SCNN1B: variants seen among roughly 807,000 people sequenced by gnomAD.
SCNN1B encodes the protein sodium channel epithelial 1 subunit beta, also known as epithelial sodium channel subunit beta.
A neutral mutation model predicts 65.3 loss-of-function variants in SCNN1B; 46 were observed. The observed-to-expected ratio is 0.70, with a 90% CI of 0.56 to 0.90. The LOEUF is 0.90. SCNN1B is among the 40% of genes least tolerant of loss of function. The probability of loss-of-function intolerance (pLI) is 0.00; values close to 1 mark genes in which losing one functional copy is unlikely to be tolerated. For missense variants in SCNN1B, 751 were observed against 830.5 expected, an observed-to-expected ratio of 0.90 and a Z score of 1.18; for synonymous variants, 349 against 330.6, an observed-to-expected ratio of 1.06 and a Z score of -0.60.
At position 23,380,893 on chromosome 16, in the gene SCNN1B, T is replaced by C. The variant is rs1963038260; in HGVS notation, c.*92T>C. The C allele has an allele frequency of 3.5e-6, 5 of 1,423,816 alleles. No homozygotes were observed. The South Asian group carries it at 4.6e-5, about 13-fold the overall frequency. The allele number at this position is 1,423,816 out of a possible 1,614,324, so 88.2% of individuals were successfully genotyped here. ...ACTGTATGGTGCCCTCTCCAAAGGG[T>C]CGGGAGGGTAGCTCTCCAGGCCAGA... On this transcript the variant is annotated 3_prime_UTR_variant, in exon 13 of 13. Coordinates refer to ENST00000343070, the MANE Select transcript of SCNN1B (RefSeq NM_000336.3). The surrounding 1 kb of genome is among the most constrained non-coding windows in gnomAD (Gnocchi z 5.4).
At position 23,381,039 on chromosome 16, in the gene SCNN1B, CT is replaced by C; in HGVS notation, c.*239del. On this transcript the variant is annotated 3_prime_UTR_variant, in exon 13 of 13. Coordinates refer to ENST00000343070, the MANE Select transcript of SCNN1B (RefSeq NM_000336.3). The stretch of plus-strand genomic sequence containing the variant: ...ATTGTATCTTCACCTGGTTCCTACC[CT>C]CGTCCCTACCTGTCCTGATCCTGGT... The C allele has an allele frequency of 3.4e-6, 2 of 592,796 alleles. No homozygotes were observed. The highest frequency in any genetic ancestry group is 5.4e-5 in the Admixed American group (2 of 37,172). 36.7% of individuals were successfully genotyped at this position (592,796 alleles called of 1,614,324 possible).
intron 1 of SCNN1B, among the ~76,000 whole-genome samples, chr16:23,341,574 G>A (rs1418121880): frequency 6.6e-6 from 1 of 152,144 alleles, no homozygotes; most frequent in Non-Finnish European, 1.5e-5. Context: ...AGGGACTTGT[G>A]TATAGAATAT....
At chr16:23,374,814 GA>G (rs1158795616) in intron 7 of SCNN1B, among the ~76,000 whole-genome samples, 1 of 151,964 alleles carries the variant, frequency 6.6e-6, no homozygotes, top group Non-Finnish European at 1.5e-5. Flanking sequence ...CGAGTGGAGA[GA>G]GGTAGGGAGG....
At chr16:23,359,942 C>T (rs1335552496) in intron 4 of SCNN1B, among the ~76,000 whole-genome samples, 1 of 152,192 alleles carries the variant, frequency 6.6e-6, no homozygotes, top group African/African-American at 2.4e-5. Flanking sequence ...GTGGCTCACG[C>T]CTATAATCCC....
chr16:23,296,382 T>G lies in SCNN1B; in HGVS notation n.178+12578T>G, dbSNP rs114915907. Among the ~76,000 whole-genome samples, 1,443 of 152,296 alleles carry G rather than the reference T, an allele frequency of 9.5e-3. 24 individuals carry two copies. The highest frequency in any genetic ancestry group is 0.034 in the African/African-American group (1,400 of 41,568). On this transcript the variant is annotated intron_variant and non_coding_transcript_variant, in intron 2 of 3. Transcript: ENST00000569789. ...ATTTTCTGATTTTTAAACATTGGTT[T>G]GAAAATCTAAAATGTACCAGGTTAA... is the stretch of plus-strand genomic sequence containing the variant.
intron 1 of SCNN1B, among the ~76,000 whole-genome samples, chr16:23,319,389 A>G (rs114183480): frequency 6.6e-5 from 10 of 152,170 alleles, no homozygotes; most frequent in Admixed American, 1.3e-4. Context: ...CCAGCCTGGC[A>G]GTCTGCATAC....
intron 1 of SCNN1B, among the ~76,000 whole-genome samples, chr16:23,344,690 C>T (rs1962147122): frequency 6.6e-6 from 1 of 151,960 alleles, no homozygotes; most frequent in South Asian, 2.1e-4. Context: ...GAGTTTAATT[C>T]CTATCAGAGA....
intron 1 of SCNN1B, among the ~76,000 whole-genome samples, chr16:23,315,321 G>C (rs762343287): frequency 4.0e-5 from 6 of 151,736 alleles, no homozygotes; most frequent in Non-Finnish European, 8.8e-5. Context: ...TGAGCAACAA[G>C]AGCGAAAGTC....
rs146219038 is a variant in SCNN1B, at chr16:23,284,020, A to C, written n.178+216A>C. On this transcript the variant is annotated intron_variant and non_coding_transcript_variant, in intron 2 of 3. Transcript: ENST00000569789. The stretch of plus-strand genomic sequence containing the variant: ...GCTCCTCCCCTTGTCCCACCATCCA[A>C]TCTCCTGCCAGTGCCTCTTTTTGGC... 1.9e-4 allele frequency among the ~76,000 whole-genome samples: 29 copies of C among 152,280 alleles called. 1 individual carries two copies. The highest frequency in any genetic ancestry group is 2.6e-4 in the Non-Finnish European group (18 of 68,018).
chr16:23,361,405 G>A (rs949286091), intron 4 of SCNN1B, among the ~76,000 whole-genome samples: 6 of 152,166 alleles, frequency 3.9e-5, no homozygotes, highest in Admixed American at 6.6e-5. Context: ...TTCAGACTAC[G>A]CTCAGGGGAA....
chr16:23,379,367 G>A (rs1339641981), intron 11 of SCNN1B, among the ~76,000 whole-genome samples: 2 of 152,142 alleles, frequency 1.3e-5, no homozygotes, highest in East Asian at 3.9e-4. Context: ...AGGAGAGGAG[G>A]GTCTGTACAA....
chr16:23,380,755 A>T lies in SCNN1B; in HGVS notation c.1877A>T (p.Gln626Leu). The T allele has an allele frequency of 6.2e-7, 1 of 1,612,370 alleles. No homozygotes were observed. The highest frequency in any genetic ancestry group is 1.1e-5 in the South Asian group (1 of 91,054). Reference protein sequence around the residue: ...PPPNYDSLRLQPLDVIESDSE... With the variant: ...PPPNYDSLRLLPLDVIESDSE... ...CCCAACTATGACTCCCTGCGTCTGC[A>T]GCCGCTGGACGTCATCGAGTCTGAC... The change falls in exon 13 of 13, where the codon CAG becomes CTG. Residue 626 changes from glutamine (Q) to leucine (L), a missense_variant. By Grantham distance (113) the Gln-to-Leu change is moderately radical (BLOSUM62 -2). Coordinates refer to ENST00000343070, the MANE Select transcript of SCNN1B (RefSeq NM_000336.3). The surrounding 1 kb of genome is among the most constrained non-coding windows in gnomAD (Gnocchi z 5.4).
chr16:23,327,393 C>T (rs558529602), intron 1 of SCNN1B, among the ~76,000 whole-genome samples: 1 of 151,968 alleles, frequency 6.6e-6, no homozygotes, highest in East Asian at 1.9e-4. Flanking sequence ...ATTAGCCAGG[C>T]ATGGTGGTGC....
intron 2 of SCNN1B, among the ~76,000 whole-genome samples, chr16:23,294,694 A>G (rs1960970910): frequency 6.6e-6 from 1 of 151,798 alleles, no homozygotes; most frequent in African/African-American, 2.4e-5. Context: ...TGATCATCCT[A>G]TTTAAAGCTC....
intron 1 of SCNN1B, among the ~76,000 whole-genome samples, chr16:23,306,467 T>C (rs186479913): frequency 6.6e-6 from 1 of 152,290 alleles, no homozygotes; most frequent in African/African-American, 2.4e-5. Flanking sequence ...TATCAGCACC[T>C]GCCTGGCCCC....
At chr16:23,360,047 A>G (rs1176490504) in intron 4 of SCNN1B, among the ~76,000 whole-genome samples, 1 of 152,032 alleles carries the variant, frequency 6.6e-6, no homozygotes, top group Non-Finnish European at 1.5e-5. Flanking sequence ...TACTAAAAAT[A>G]CAAAAATTAG....
intron 10 of SCNN1B, 47 bp from the exon 11 acceptor site, chr16:23,378,659 G>A (rs1254985897): frequency 6.4e-7 from 1 of 1,565,566 alleles, no homozygotes; most frequent in Non-Finnish European, 8.8e-7. Flanking sequence ...ATGACTGGGA[G>A]GGATGCTGCA....
chr16:23,295,277 G>A (rs1960979822), intron 2 of SCNN1B, among the ~76,000 whole-genome samples: 1 of 151,826 alleles, frequency 6.6e-6, no homozygotes, highest in Admixed American at 6.6e-5. Context: ...GGAGTGCAGT[G>A]GTGTGATCAT....
intron 1 of SCNN1B, among the ~76,000 whole-genome samples, chr16:23,316,038 C>CCATCCT (rs1201054570): frequency 4.8e-5 from 7 of 144,588 alleles, no homozygotes; most frequent in African/African-American, 1.3e-4. Context: ...ATCACCATCG[C>CCATCCT]CACCATCACC....
Sources: gnomAD v4.1 joint callset for allele counts (sites outside exome capture counted in the v4.1 genomes callset) on GRCh38, gnomAD v4.1.1 for gene constraint, Gnocchi (gnomAD v3.1) non-coding constraint, MANE v1.5 for transcripts, NCBI Gene and HGNC (gene_info 2026-07-23, HGNC 2026-07-21) for gene names.